The following CROCC2 variants were observed in gnomAD, a reference collection of about 807,000 sequenced individuals.
The protein encoded by CROCC2 is ciliary rootlet coiled-coil, rootletin family member 2.
CROCC2 carries 163 observed loss-of-function variants against 177.6 expected under a neutral mutation model. The observed-to-expected ratio is 0.92, with a 90% CI of 0.81 to 1.05. CROCC2 has a LOEUF of 1.05. CROCC2 is among the 50% of genes least tolerant of loss of function. The pLI is 0.00. For synonymous variants in CROCC2, 904 were observed against 787.3 expected (o/e 1.15, Z -2.48); for missense variants, 1,929 against 1,797.8 (o/e 1.07, Z -1.32).
chr2:240,986,757 G>T (rs1364070719), intron 28 of CROCC2, among the ~76,000 whole-genome samples: 1 of 152,228 alleles, frequency 6.6e-6, no homozygotes, highest in African/African-American at 2.4e-5. Flanking sequence ...TGCCCACACA[G>T]CCACCCAGGC....
At chr2:240,930,649 G>A (rs1448276049) in intron 6 of CROCC2, among the ~76,000 whole-genome samples, 2 of 152,104 alleles carry the variant, frequency 1.3e-5, no homozygotes, top group Non-Finnish European at 2.9e-5. Context: ...TAGCCCTTAG[G>A]TACGTAGCAG....
chr2:240,974,625 C>T (rs2059747104), intron 27 of CROCC2, among the ~76,000 whole-genome samples: 1 of 151,502 alleles, frequency 6.6e-6, no homozygotes, highest in Non-Finnish European at 1.5e-5. Context: ...CCACCTCAGC[C>T]TCCCAAAGTG....
chr2:240,928,499 C>T (rs2059408254), intron 5 of CROCC2, among the ~76,000 whole-genome samples: 1 of 151,712 alleles, frequency 6.6e-6, no homozygotes, highest in South Asian at 2.1e-4. Flanking sequence ...ACTTCACCAA[C>T]TCCTGGCCTA....
At chr2:240,915,080 C>T (rs569080659) in intron 1 of CROCC2, among the ~76,000 whole-genome samples, 126 of 152,184 alleles carry the variant, frequency 8.3e-4, no homozygotes, top group Non-Finnish European at 6.8e-4. Context: ...CTGGCAGGTG[C>T]GCTGTGGCTC....
intron 20 of CROCC2, among the ~76,000 whole-genome samples, chr2:240,963,081 T>G (rs1319565327): frequency 2.6e-5 from 4 of 152,134 alleles, no homozygotes; most frequent in African/African-American, 7.2e-5. Flanking sequence ...AGGGTCACTG[T>G]GCCAGGGTCA....
chr2:240,950,049 T>C (rs2059544383), intron 17 of CROCC2, among the ~76,000 whole-genome samples: 1 of 152,190 alleles, frequency 6.6e-6, no homozygotes, highest in Non-Finnish European at 1.5e-5. Flanking sequence ...GAGGCCTGGT[T>C]TGACATGTCT....
chr2:240,929,227 G>C (rs2059412582), intron 5 of CROCC2, among the ~76,000 whole-genome samples: 1 of 152,174 alleles, frequency 6.6e-6, no homozygotes, highest in Non-Finnish European at 1.5e-5. Context: ...TCGTTCTATT[G>C]TTTCCGCTGG....
At chr2:240,987,510 AC>A (rs2059848424) in intron 28 of CROCC2, among the ~76,000 whole-genome samples, 1 of 152,150 alleles carries the variant, frequency 6.6e-6, no homozygotes, top group African/African-American at 2.4e-5. Flanking sequence ...GAAGAAAGGA[AC>A]CCTTATTTTT....
chr2:240,957,827 G>T, intron 19 of CROCC2: 1 of 271,108 alleles, frequency 3.7e-6, no homozygotes, highest in Non-Finnish European at 5.7e-6. Context: ...GACCAAGCTT[G>T]GCATCGGGCC....
At chr2:240,987,626 G>A (rs2059849403) in intron 28 of CROCC2, among the ~76,000 whole-genome samples, 1 of 152,214 alleles carries the variant, frequency 6.6e-6, no homozygotes, top group Admixed American at 6.5e-5. Flanking sequence ...AAGCTAAGAG[G>A]GCAGGTTTGT....
chr2:240,934,321 G>C lies in CROCC2; in HGVS notation c.1647-10G>C, dbSNP rs1192517711. The stretch of plus-strand genomic sequence containing the variant: ...TGAGCGACCTCCCGCCCTCTGGTCT[G>C]GGGCCTCAGTCAAGGCCGCCTGCAG... On this transcript the variant is annotated splice_polypyrimidine_tract_variant and intron_variant, in intron 11 of 31. Transcript: ENST00000690015. 2 of 1,547,986 alleles carry C rather than the reference G, an allele frequency of 1.3e-6. No individual in the cohort carries two copies. The highest frequency in any genetic ancestry group is 1.7e-6 in the Non-Finnish European group (2 of 1,146,686).
chr2:240,976,193 C>A (rs1199627097), intron 27 of CROCC2, among the ~76,000 whole-genome samples: 2 of 148,444 alleles, frequency 1.3e-5, no homozygotes, highest in African/African-American at 2.5e-5. Flanking sequence ...CATCCCTGCT[C>A]AGTCTCTGGG....
intron 28 of CROCC2, 112 bp from the exon 29 acceptor site, chr2:240,988,627 T>G: frequency 5.3e-6 from 6 of 1,127,942 alleles, no homozygotes; most frequent in Non-Finnish European, 5.7e-6. Flanking sequence ...TGCCAGCTCT[T>G]AGGGGAATTC....
At chr2:240,941,821 T>G (rs1459995446) in intron 14 of CROCC2, among the ~76,000 whole-genome samples, 2 of 152,218 alleles carry the variant, frequency 1.3e-5, no homozygotes, top group Non-Finnish European at 2.9e-5. Context: ...ACTTACTAAT[T>G]GTGATAGTAT....
chr2:240,931,263 G>C, intron 7 of CROCC2, 135 bp downstream of exon 7: 2 of 597,438 alleles, frequency 3.3e-6, no homozygotes, highest in Non-Finnish European at 6.0e-6. Flanking sequence ...GTCACTGGTG[G>C]TGCACACTCT....
At chr2:240,950,913 A>ACCCATCCATCCACCCATTTACAT (rs1184132746) in intron 18 of CROCC2, 4 of 157,878 alleles carry the variant, frequency 2.5e-5, no homozygotes, top group Non-Finnish European at 5.2e-5. Flanking sequence ...CCATCCATCC[A>ACCCATCCATCCACCCATTTACAT]GCCATCCATC....
At chr2:240,964,682 C>A in intron 22 of CROCC2, 57 bp downstream of exon 22, 1 of 1,516,260 alleles carries the variant, frequency 6.6e-7, no homozygotes, top group Non-Finnish European at 8.9e-7. Context: ...CTGGTGGGTC[C>A]CGGCTCCTCC....
chr2:240,950,174 C>A (rs556514788), intron 17 of CROCC2, among the ~76,000 whole-genome samples, 160 bp from the exon 18 acceptor site: 3 of 152,270 alleles, frequency 2.0e-5, no homozygotes, highest in African/African-American at 7.2e-5. Flanking sequence ...GCTCTGCTGA[C>A]CCTGAGGGGA....
intron 4 of CROCC2, among the ~76,000 whole-genome samples, chr2:240,925,323 G>A (rs1006499825): frequency 3.9e-5 from 6 of 152,100 alleles, no homozygotes; most frequent in South Asian, 4.1e-4. Flanking sequence ...AGCAGAAGCC[G>A]TCCCCCACCA....
Sources: allele counts gnomAD v4.1 joint callset (sites outside exome capture counted in the v4.1 genomes callset), GRCh38; gene constraint gnomAD v4.1.1; transcripts MANE v1.5; gene names NCBI Gene and HGNC (gene_info 2026-07-23, HGNC 2026-07-21).